Variants in PFKFB4 observed in about 807,000 individuals in gnomAD.
PFKFB4 encodes the protein 6-phosphofructo-2-kinase/fructose-2,6-biphosphatase 4, also known as 6-phosphofructo-2-kinase/fructose-2,6-bisphosphatase 4.
A neutral mutation model predicts 62.8 loss-of-function variants in PFKFB4; 42 were observed. The observed-to-expected ratio is 0.67, with a 90% confidence interval of 0.52 to 0.86. PFKFB4 has a LOEUF of 0.86. Among genes scored for constraint, PFKFB4 ranks in the 40% least tolerant of loss-of-function variants. The probability of loss-of-function intolerance (pLI) is 0.00; values close to 1 mark genes in which losing one functional copy is unlikely to be tolerated. For synonymous variants in PFKFB4, 204 were observed against 240.7 expected (o/e 0.85, Z 1.41); for missense variants, 475 against 627.2 (o/e 0.76, Z 2.59).
chr3:48,554,649 T>C (rs897299905), intron 1 of PFKFB4, among the ~76,000 whole-genome samples: 19 of 152,176 alleles, frequency 1.2e-4, no homozygotes, highest in African/African-American at 4.6e-4. Context: ...GGGGGTTGGC[T>C]TGGAGCTGAT....
At chr3:48,522,978 G>A (rs2042144137) in intron 12 of PFKFB4, among the ~76,000 whole-genome samples, 1 of 151,832 alleles carries the variant, frequency 6.6e-6, no homozygotes, top group Non-Finnish European at 1.5e-5. Context: ...AGCCAGGAGG[G>A]TCTCTATCTC....
intron 13 of PFKFB4, 150 bp from the exon 14 acceptor site, chr3:48,519,956 G>T: frequency 1.6e-6 from 1 of 633,140 alleles, no homozygotes; most frequent in Non-Finnish European, 2.9e-6. Context: ...GCTTCCCTAA[G>T]AATACATGGC....
At chr3:48,552,647 G>A (rs2043191109) in intron 1 of PFKFB4, among the ~76,000 whole-genome samples, 2 of 152,326 alleles carry the variant, frequency 1.3e-5, no homozygotes, top group South Asian at 4.1e-4. Flanking sequence ...AGGGCAGTGC[G>A]ACAGCTGCTA....
In PFKFB4 at chr3:48,525,629, T is replaced by G. The variant is rs1265711921; in HGVS notation, c.1028A>C (p.Asn343Thr). The change falls in exon 10 of 14, where the codon AAT (asparagine) becomes ACT (threonine). Residue 343 changes from asparagine to threonine, a missense_variant. By Grantham distance (65) the Asn-to-Thr change is moderately conservative (BLOSUM62 0). Transcript: ENST00000232375. Reference sequence around the variant, plus strand: ...CCGCAGGGCGAACTCCAGTGGATAATTATCCTGAATTTCCTCGTAGGTCAT... The same window carrying G: ...CCGCAGGGCGAACTCCAGTGGATAAGTATCCTGAATTTCCTCGTAGGTCAT... ...EEMTYEEIQDNYPLEFALRDQ... is the reference protein window; with the variant it reads ...EEMTYEEIQDTYPLEFALRDQ... 5.0e-6 allele frequency: 8 copies of G among 1,608,018 alleles called. No homozygotes were observed. The highest frequency in any genetic ancestry group is 6.8e-6 in the Non-Finnish European group (8 of 1,176,622).
intron 1 of PFKFB4, among the ~76,000 whole-genome samples, chr3:48,552,838 TC>T (rs1461055131): frequency 1.3e-5 from 2 of 152,150 alleles, no homozygotes; most frequent in Non-Finnish European, 2.9e-5. Context: ...CTTCCCGCCT[TC>T]CACCCACATG....
chr3:48,539,904 G>C (rs2107540221), intron 4 of PFKFB4, 133 bp from the exon 5 acceptor site: 1 of 709,324 alleles, frequency 1.4e-6, no homozygotes, highest in Admixed American at 2.5e-5. Flanking sequence ...ACCAGCTGCT[G>C]CCAGGTCCAC....
upstream of PFKFB4, chr3:48,560,974 G>A (rs888588461): frequency 4.7e-5 from 31 of 657,984 alleles, no homozygotes; most frequent in South Asian, 9.4e-5. Context: ...CAACACTCTC[G>A]CACCCCTCCA....
At chr3:48,538,255 C>T (rs369939956) in intron 7 of PFKFB4, among the ~76,000 whole-genome samples, 2 of 152,146 alleles carry the variant, frequency 1.3e-5, no homozygotes, top group South Asian at 4.1e-4. Flanking sequence ...CATAGAAATT[C>T]GGCTTGATTT....
chr3:48,542,482 A>C (rs930882030), intron 4 of PFKFB4, among the ~76,000 whole-genome samples: 7 of 152,148 alleles, frequency 4.6e-5, no homozygotes, highest in African/African-American at 1.7e-4. Context: ...AGAAAGGGGC[A>C]GAGGTGATTT....
chr3:48,554,288 A>G (rs1473390731), intron 1 of PFKFB4, among the ~76,000 whole-genome samples: 1 of 152,180 alleles, frequency 6.6e-6, no homozygotes, highest in Non-Finnish European at 1.5e-5. Flanking sequence ...TACTATGCAA[A>G]GGGTAAAGTG....
intron 1 of PFKFB4, among the ~76,000 whole-genome samples, chr3:48,553,686 G>T (rs1354113065): frequency 6.6e-6 from 1 of 152,210 alleles, no homozygotes; most frequent in Non-Finnish European, 1.5e-5. Flanking sequence ...GCAGCCACAA[G>T]TCCCTGGAGG....
chr3:48,526,315 G>A (rs904044526), intron 9 of PFKFB4, among the ~76,000 whole-genome samples: 7 of 152,026 alleles, frequency 4.6e-5, no homozygotes, highest in East Asian at 1.9e-4. Flanking sequence ...CTCACAGCCT[G>A]TAATCCCAGC....
intron 4 of PFKFB4, among the ~76,000 whole-genome samples, chr3:48,543,188 T>C (rs1375341801): frequency 6.6e-6 from 1 of 152,178 alleles, no homozygotes; most frequent in African/African-American, 2.4e-5. Context: ...AACACACAGG[T>C]GGAATCCCCT....
At chr3:48,525,772 G>A in intron 9 of PFKFB4, 103 bp from the exon 10 acceptor site, 1 of 521,426 alleles carries the variant, frequency 1.9e-6, no homozygotes, top group Non-Finnish European at 3.4e-6. Flanking sequence ...CAAGTTCACG[G>A]GCATTTCCTG....
Position 48,556,683 on chromosome 3 carries a change from C to A in PFKFB4, c.95G>T (p.Gly32Val). Residue 32 changes from glycine to valine, a missense_variant and splice_region_variant, in exon 1 of 14, where the codon GGT becomes GTT. Coordinates refer to ENST00000232375, the MANE Select transcript of PFKFB4 (RefSeq NM_004567.4). The surrounding 1 kb of genome is among the most constrained non-coding windows in gnomAD (Gnocchi z 5.7). The stretch of plus-strand genomic sequence containing the variant: ...CCTCCCAGAGGACCCCGCCTCACCA[C>A]CGCGCTGGCAAGCGTGCAGAGCGGG... Reference protein sequence around the residue: ...GRPALHACQRGVCMTNCPTLI... With the variant: ...GRPALHACQRVVCMTNCPTLI... The A allele has an allele frequency of 1.9e-6, 3 of 1,611,348 alleles. No homozygotes were observed. Among genetic ancestry groups the A allele is most frequent in the Non-Finnish European group, 2.5e-6 (3 of 1,178,686 alleles).
upstream of PFKFB4, chr3:48,556,992 C>T: frequency 7.3e-7 from 1 of 1,376,932 alleles, no homozygotes; most frequent in Non-Finnish European, 9.4e-7. This position sits in a 1 kb window ranked among gnomAD's most constrained non-coding sequence, Gnocchi z 5.7. Flanking sequence ...CCTACCCGCC[C>T]GTTTTGGAAC....
chr3:48,546,098 ATGTG>A (rs1002072245), intron 3 of PFKFB4, among the ~76,000 whole-genome samples: 9 of 152,088 alleles, frequency 5.9e-5, no homozygotes, highest in Admixed American at 1.3e-4. Context: ...GTGGGTGGTT[ATGTG>A]TGTGTTGTGC....
At chr3:48,542,950 G>A (rs953858717) in intron 4 of PFKFB4, among the ~76,000 whole-genome samples, 7 of 152,222 alleles carry the variant, frequency 4.6e-5, no homozygotes, top group Admixed American at 2.6e-4. Flanking sequence ...AGAGGATGAT[G>A]TGGGATCCAC....
At chr3:48,558,918 C>T (rs555056399), upstream of PFKFB4, among the ~76,000 whole-genome samples, 18 of 152,330 alleles carry the variant, frequency 1.2e-4, no homozygotes, top group Non-Finnish European at 1.8e-4. Context: ...TTGGGGCCAC[C>T]GTGGCCTCTG....
Sources: gnomAD v4.1 joint callset for allele counts (sites outside exome capture counted in the v4.1 genomes callset) on GRCh38, gnomAD v4.1.1 for gene constraint, Gnocchi (gnomAD v3.1) non-coding constraint, MANE v1.5 for transcripts, NCBI Gene and HGNC (gene_info 2026-07-23, HGNC 2026-07-21) for gene names.